The following MID2 variants were observed in gnomAD, a reference collection of about 807,000 sequenced individuals.
The protein encoded by MID2 is probable E3 ubiquitin-protein ligase MID2.
A neutral mutation model predicts 46.1 loss-of-function variants in MID2; 13 were observed. The observed-to-expected ratio is 0.28, with a 90% CI of 0.18 to 0.45. MID2 has a LOEUF of 0.45. Ranked by LOEUF, MID2 falls within the 20% of genes least tolerant of loss-of-function variation. The pLI, the probability that MID2 is intolerant of heterozygous loss-of-function variation, is 1.00. For missense variants in MID2, 431 were observed against 575.4 expected (o/e 0.75, Z 2.57); for synonymous variants, 199 against 212.3 (o/e 0.94, Z 0.55).
At chrX:107,841,425 C>A in intron 2 of MID2, 40 bp downstream of exon 2, 1 of 1,009,336 alleles carries the variant, frequency 9.9e-7, no homozygotes, top group Non-Finnish European at 1.4e-6. Flanking sequence ...AACTTTGTCG[C>A]ATAAATGCAG....
chrX:107,850,849 T>C (rs1339444237), intron 2 of MID2, among the ~76,000 whole-genome samples: 1 of 111,939 alleles, frequency 8.9e-6, no homozygotes, highest in Non-Finnish European at 1.9e-5. Flanking sequence ...TTTTGCTATG[T>C]CCTGCTCTGT....
intron 3 of MID2, among the ~76,000 whole-genome samples, chrX:107,890,811 G>C (rs1200887013): frequency 9.0e-6 from 1 of 111,589 alleles, no homozygotes; most frequent in African/African-American, 3.3e-5. Context: ...TCAAGCCTCG[G>C]CAATGGTGGG....
chrX:107,888,991 C>T (rs1293909887), intron 3 of MID2, among the ~76,000 whole-genome samples: 1 of 111,290 alleles, frequency 9.0e-6, no homozygotes, highest in Non-Finnish European at 1.9e-5. Context: ...TCCTCCATCC[C>T]TTTATTTTGA....
intron 2 of MID2, among the ~76,000 whole-genome samples, chrX:107,841,768 G>T (rs1290677606): frequency 1.8e-5 from 2 of 112,387 alleles, no homozygotes; most frequent in Non-Finnish European, 3.8e-5. Context: ...CATATGTGTC[G>T]ATTTGCATAT....
rs1284155928 is a variant in MID2 at position 107,897,379 on chromosome X, G to A, written c.817-6579G>A. On this transcript the variant is annotated intron_variant, in intron 3 of 9. Transcript: ENST00000262843. ...TATTTTTTTTGCTTGCTAAACTGTA[G>A]TTACTCCAGTACAGGTGACTAAAAA... Among the ~76,000 whole-genome samples the A allele has an allele frequency of 4.5e-5, 5 of 111,337 alleles. No homozygotes were observed. In the East Asian group the frequency reaches 1.4e-3, roughly 31 times the overall value.
chrX:107,895,166 A>G (rs1364691743), intron 3 of MID2: 1 of 107,619 alleles, frequency 9.3e-6, no homozygotes, highest in Non-Finnish European at 1.9e-5. Context: ...TGAGCAAACT[A>G]TAGACCTCAT....
At chrX:107,861,106 G>A (rs1330468219) in intron 3 of MID2, among the ~76,000 whole-genome samples, 1 of 111,571 alleles carries the variant, frequency 9.0e-6, no homozygotes, top group Non-Finnish European at 1.9e-5. Flanking sequence ...CTGAAGGACA[G>A]CAAAGGAGAA....
intron 1 of MID2, among the ~76,000 whole-genome samples, chrX:107,826,665 C>T (rs1043859684): frequency 8.8e-6 from 1 of 113,047 alleles, no homozygotes; most frequent in Non-Finnish European, 1.9e-5. Context: ...CCACTGCCCT[C>T]CTGGGACGGA....
intron 1 of MID2, among the ~76,000 whole-genome samples, chrX:107,839,484 G>T (rs1931284802): frequency 9.2e-6 from 1 of 108,624 alleles, no homozygotes; most frequent in South Asian, 4.0e-4. Context: ...CGATACTTCT[G>T]GTTCAGCCTC....
Sources: gnomAD v4.1 joint callset for allele counts (sites outside exome capture counted in the v4.1 genomes callset) on GRCh38, gnomAD v4.1.1 for gene constraint, MANE v1.5 for transcripts, NCBI Gene and HGNC (gene_info 2026-07-23, HGNC 2026-07-21) for gene names.